The following RGPD6 variants were observed in gnomAD, a reference collection of about 807,000 sequenced individuals.
The protein encoded by RGPD6 is RANBP2 like and GRIP domain containing 6, also known as RANBP2-like and GRIP domain-containing protein 5/6.
chr2:110,596,959 ATAATATATATTATG>A, the RGPD6 span, among the ~76,000 whole-genome samples: 2 of 90,292 alleles, frequency 2.2e-5, no homozygotes, highest in African/African-American at 9.1e-5. Flanking sequence ...TATAATATAT[ATAATATATATTATG>A]TATATATATA....
At chr2:110,589,386 C>T in the RGPD6 span, among the ~76,000 whole-genome samples, 6 of 152,098 alleles carry the variant, frequency 3.9e-5, no homozygotes, top group East Asian at 1.9e-4. Context: ...TGAAATAAAA[C>T]GGCTCTTAAA....
the RGPD6 span, among the ~76,000 whole-genome samples, chr2:110,607,573 A>G: frequency 1.3e-5 from 2 of 149,900 alleles, no homozygotes; most frequent in East Asian, 3.9e-4. Context: ...TATATTTTCT[A>G]TACAGTCATT....
chr2:110,600,758 A>G, the RGPD6 span, among the ~76,000 whole-genome samples: 1 of 79,194 alleles, frequency 1.3e-5, no homozygotes, highest in African/African-American at 4.3e-5. Flanking sequence ...TGAGAATATA[A>G]TGCCGGTGCT....
chr2:110,606,102 A>G, the RGPD6 span, among the ~76,000 whole-genome samples: 1 of 151,782 alleles, frequency 6.6e-6, no homozygotes, highest in Non-Finnish European at 1.5e-5. Context: ...AAAAAAGAAA[A>G]AAGAGAAAGA....
chr2:110,599,068 CCTTT>C, the RGPD6 span, among the ~76,000 whole-genome samples: 5 of 140,438 alleles, frequency 3.6e-5, no homozygotes, highest in African/African-American at 1.4e-4. Flanking sequence ...TCTTATCCTT[CCTTT>C]AAGACTGCAA....
the RGPD6 span, among the ~76,000 whole-genome samples, chr2:110,606,932 C>T: frequency 6.6e-6 from 1 of 151,728 alleles, no homozygotes; most frequent in Non-Finnish European, 1.5e-5. Flanking sequence ...TTAATTTCCT[C>T]ACTTGACAAT....
chr2:110,605,305 G>A, the RGPD6 span, among the ~76,000 whole-genome samples: 4 of 151,354 alleles, frequency 2.6e-5, no homozygotes, highest in African/African-American at 4.9e-5. Flanking sequence ...CGTACCTGCC[G>A]AGGCCCCTCC....
the RGPD6 span, among the ~76,000 whole-genome samples, chr2:110,593,000 C>T: frequency 6.8e-6 from 1 of 147,324 alleles, no homozygotes; most frequent in African/African-American, 2.6e-5. Flanking sequence ...TTGTCCAATG[C>T]CTGGCTACTA....
chr2:110,601,026 G>C, the RGPD6 span, among the ~76,000 whole-genome samples: 1 of 152,068 alleles, frequency 6.6e-6, no homozygotes, highest in African/African-American at 2.4e-5. Context: ...AGAAGGCCTG[G>C]CAAGGAAAGT....
chr2:110,598,726 G>A, the RGPD6 span, among the ~76,000 whole-genome samples: 5 of 145,036 alleles, frequency 3.4e-5, no homozygotes, highest in Non-Finnish European at 3.0e-5. Flanking sequence ...GCCTCTCACA[G>A]CCACCAGACT....
chr2:110,589,421 T>G, the RGPD6 span, among the ~76,000 whole-genome samples: 6 of 152,112 alleles, frequency 3.9e-5, no homozygotes, highest in Non-Finnish European at 7.3e-5. Context: ...TTCCTAAGTA[T>G]TTATATACAA....
the RGPD6 span, among the ~76,000 whole-genome samples, chr2:110,590,614 GTAT>G: frequency 9.4e-6 from 1 of 105,878 alleles, no homozygotes. Flanking sequence ...TTTGAGGTAG[GTAT>G]TATTCTTTCT....
At chr2:110,601,109 C>A in the RGPD6 span, among the ~76,000 whole-genome samples, 1 of 149,614 alleles carries the variant, frequency 6.7e-6, no homozygotes, top group South Asian at 2.2e-4. Context: ...AGTGAAGATA[C>A]CTACTTCACA....
chr2:110,600,914 A>G, the RGPD6 span, among the ~76,000 whole-genome samples: 1 of 146,082 alleles, frequency 6.8e-6, no homozygotes, highest in Non-Finnish European at 1.5e-5. Flanking sequence ...ATTGATCCAC[A>G]GCCCGGGGGC....
chr2:110,605,946 A>G, the RGPD6 span, among the ~76,000 whole-genome samples: 1 of 151,600 alleles, frequency 6.6e-6, no homozygotes, highest in African/African-American at 2.4e-5. Context: ...TGCCCCCTCA[A>G]GCAGGCAGTG....
At chr2:110,591,637 CT>C in the RGPD6 span, among the ~76,000 whole-genome samples, 1 of 151,664 alleles carries the variant, frequency 6.6e-6, no homozygotes, top group East Asian at 1.9e-4. Flanking sequence ...AACTGCACCC[CT>C]GTCCCCAAAG....
chr2:110,596,942 TTA>T, the RGPD6 span, among the ~76,000 whole-genome samples: 1,283 of 113,080 alleles, frequency 0.011, 15 homozygotes, highest in African/African-American at 0.049. Flanking sequence ...TATATATATT[TTA>T]TATATATAAT....
the RGPD6 span, among the ~76,000 whole-genome samples, chr2:110,590,908 G>GT: frequency 9.0e-6 from 1 of 111,686 alleles, no homozygotes; most frequent in Non-Finnish European, 1.9e-5. Context: ...AAATGTGCAC[G>GT]TATTATGCAT....
the RGPD6 span, among the ~76,000 whole-genome samples, chr2:110,593,334 A>G: frequency 6.8e-6 from 1 of 147,484 alleles, no homozygotes; most frequent in Non-Finnish European, 1.5e-5. Flanking sequence ...TCTGGCCAAG[A>G]AAGTACAGGT....
Sources: allele counts gnomAD v4.1 joint callset (sites outside exome capture counted in the v4.1 genomes callset), GRCh38; gene constraint gnomAD v4.1.1; transcripts MANE v1.5; gene names NCBI Gene and HGNC (gene_info 2026-07-23, HGNC 2026-07-21).